Variants in SPAG16 observed in about 807,000 individuals in gnomAD.
SPAG16 encodes sperm associated antigen 16, also known as sperm-associated antigen 16 protein.
In SPAG16, 86 loss-of-function variants were observed where a neutral mutation model predicts 80.4. The ratio of observed to expected loss-of-function variants is 1.07; its 90% CI spans 0.90 to 1.28. The LOEUF is 1.28. SPAG16 is among the 50% of genes most tolerant of loss of function. The pLI is 0.00. For missense variants in SPAG16, 870 were observed against 765.3 expected (o/e 1.14, Z -1.61); for synonymous variants, 294 against 265.9 (o/e 1.11, Z -1.03).
At chr2:213,740,823 C>A (rs930117926) in intron 10 of SPAG16, among the ~76,000 whole-genome samples, 25 of 152,126 alleles carry the variant, frequency 1.6e-4, no homozygotes, top group African/African-American at 5.8e-4. Flanking sequence ...AAAGAAAGAC[C>A]AATTACTTGG....
At chr2:213,372,420 G>C (rs1469698792) in intron 8 of SPAG16, among the ~76,000 whole-genome samples, 1 of 152,114 alleles carries the variant, frequency 6.6e-6, no homozygotes. Flanking sequence ...GTAAAGCAAA[G>C]TAGCTCTTAA....
At chr2:214,189,476 C>A (rs2057587417) in intron 15 of SPAG16, among the ~76,000 whole-genome samples, 1 of 152,126 alleles carries the variant, frequency 6.6e-6, no homozygotes, top group Non-Finnish European at 1.5e-5. Flanking sequence ...ATTTTAAATG[C>A]CAGTCAGGTA....
chr2:214,348,020 T>A (rs1698170227), intron 15 of SPAG16, among the ~76,000 whole-genome samples: 1 of 152,186 alleles, frequency 6.6e-6, no homozygotes, highest in African/African-American at 2.4e-5. Context: ...AATTCTAGGA[T>A]CACTACGGAC....
chr2:214,186,142 T>C (rs1303789746), intron 15 of SPAG16, among the ~76,000 whole-genome samples: 1 of 152,170 alleles, frequency 6.6e-6, no homozygotes, highest in Non-Finnish European at 1.5e-5. Flanking sequence ...TGGGGAATTA[T>C]ATTGTCAAGT....
At chr2:214,046,548 A>G (rs907832906) in intron 13 of SPAG16, among the ~76,000 whole-genome samples, 2 of 152,198 alleles carry the variant, frequency 1.3e-5, no homozygotes, top group Non-Finnish European at 2.9e-5. Context: ...GGTCTAACAT[A>G]CACAAATCAA....
At chr2:213,379,929 G>A (rs1183204566) in intron 9 of SPAG16, among the ~76,000 whole-genome samples, 2 of 152,136 alleles carry the variant, frequency 1.3e-5, no homozygotes, top group Non-Finnish European at 2.9e-5. Context: ...TCCACAGAAC[G>A]GGGCATCCTT....
chr2:213,742,304 C>T (rs959979330), intron 10 of SPAG16, among the ~76,000 whole-genome samples: 2 of 152,026 alleles, frequency 1.3e-5, no homozygotes, highest in African/African-American at 4.8e-5. Context: ...CATTTGTCTT[C>T]CCTTTCAAGA....
chr2:214,006,520 A>G (rs530936397), intron 12 of SPAG16, among the ~76,000 whole-genome samples: 1 of 152,354 alleles, frequency 6.6e-6, no homozygotes, highest in African/African-American at 2.4e-5. Flanking sequence ...GAAAGGAAAT[A>G]AAGGAAAACC....
chr2:214,175,723 A>G (rs930097336), intron 15 of SPAG16, among the ~76,000 whole-genome samples: 3 of 151,604 alleles, frequency 2.0e-5, no homozygotes, highest in Non-Finnish European at 4.4e-5. Context: ...AATACATTAA[A>G]AAGCAAGAAA....
At chr2:214,059,208 A>ATATATATATATATATC (rs1559745274) in intron 13 of SPAG16, among the ~76,000 whole-genome samples, 4 of 88,098 alleles carry the variant, frequency 4.5e-5, no homozygotes, top group Non-Finnish European at 9.0e-5. Flanking sequence ...ATATATATAT[A>ATATATATATATATATC]TATATATGTA....
intron 11 of SPAG16, among the ~76,000 whole-genome samples, chr2:213,891,383 A>G (rs576115989): frequency 1.3e-5 from 2 of 152,234 alleles, no homozygotes; most frequent in South Asian, 4.1e-4. Flanking sequence ...TTACTTTTAG[A>G]GATACCAACC....
intron 15 of SPAG16, among the ~76,000 whole-genome samples, chr2:214,350,500 T>A (rs1047316382): frequency 8.5e-5 from 13 of 152,234 alleles, no homozygotes; most frequent in African/African-American, 2.9e-4. Context: ...TATCTTTTGA[T>A]ATGTAAGAGA....
At chr2:214,218,765 G>A (rs758666718) in intron 15 of SPAG16, among the ~76,000 whole-genome samples, 61 of 152,166 alleles carry the variant, frequency 4.0e-4, no homozygotes, top group Non-Finnish European at 6.6e-4. Flanking sequence ...ACTTTGTTGA[G>A]GCATGAGTTT....
chr2:214,242,986 T>C (rs1689598908), intron 15 of SPAG16, among the ~76,000 whole-genome samples: 1 of 152,038 alleles, frequency 6.6e-6, no homozygotes, highest in Non-Finnish European at 1.5e-5. Flanking sequence ...CTTGGGAAAA[T>C]CAATAATTGG....
intron 10 of SPAG16, among the ~76,000 whole-genome samples, chr2:213,758,397 G>A (rs1054436301): frequency 1.3e-5 from 2 of 151,826 alleles, no homozygotes; most frequent in African/African-American, 2.4e-5. Flanking sequence ...GCTACAGAGG[G>A]ACTTTAAAAT....
At chr2:214,261,021 C>T (rs901769844) in intron 15 of SPAG16, among the ~76,000 whole-genome samples, 1 of 145,870 alleles carries the variant, frequency 6.9e-6, no homozygotes, top group Non-Finnish European at 1.5e-5. Context: ...GCAGGAGAAT[C>T]GCTTGAACCT....
intron 10 of SPAG16, among the ~76,000 whole-genome samples, chr2:213,570,863 T>A (rs1323700355): frequency 4.7e-4 from 19 of 40,860 alleles, no homozygotes; most frequent in African/African-American, 2.8e-3. Context: ...TATTAATGTG[T>A]GGGAGTCTAA....
intron 11 of SPAG16, among the ~76,000 whole-genome samples, chr2:213,909,303 C>T (rs1176823812): frequency 6.6e-6 from 1 of 151,962 alleles, no homozygotes; most frequent in Non-Finnish European, 1.5e-5. Flanking sequence ...CCATACTGCC[C>T]AAGGTAATTT....
intron 12 of SPAG16, among the ~76,000 whole-genome samples, chr2:213,931,812 G>A (rs2078762528): frequency 6.6e-6 from 1 of 152,022 alleles, no homozygotes; most frequent in Non-Finnish European, 1.5e-5. Context: ...TCCCATCACT[G>A]TCAAGAGTTC....
Sources: gnomAD v4.1 joint callset for allele counts (sites outside exome capture counted in the v4.1 genomes callset) on GRCh38, gnomAD v4.1.1 for gene constraint, MANE v1.5 for transcripts, NCBI Gene and HGNC (gene_info 2026-07-23, HGNC 2026-07-21) for gene names.